The following TMEM178A variants were observed in gnomAD, a reference collection of about 807,000 sequenced individuals.
TMEM178A encodes the protein transmembrane protein 178.
TMEM178A carries 12 observed loss-of-function variants against 29.1 expected under a neutral mutation model. That is an observed-to-expected ratio of 0.41 (90% CI 0.26 to 0.67). The LOEUF (loss-of-function observed/expected upper bound fraction) is 0.67. Among genes scored for constraint, TMEM178A ranks in the 30% least tolerant of loss-of-function variants. The pLI, the probability that TMEM178A is intolerant of heterozygous loss-of-function variation, is 0.29. For missense variants in TMEM178A, 366 were observed against 419.1 expected, an observed-to-expected ratio of 0.87 and a Z score of 1.11; for synonymous variants, 210 against 187.2, an observed-to-expected ratio of 1.12 and a Z score of -0.99.
At chr2:39,703,073 C>T (rs1671864022) in intron 1 of TMEM178A, among the ~76,000 whole-genome samples, 1 of 152,094 alleles carries the variant, frequency 6.6e-6, no homozygotes, top group Non-Finnish European at 1.5e-5. Context: ...TAAAATTTCA[C>T]CTTTATATGC....
At position 39,674,832 on chromosome 2, in the gene TMEM178A, T is replaced by C. The variant is rs1166786666; in HGVS notation, c.400+8458T>C. ...CTTGTATTCCTTTCTCTCTCTCTCT[T>C]TTTTTTTCTCAAGTTACCTTTTCTT... On this transcript the variant is annotated intron_variant, in intron 1 of 3. Transcript: ENST00000281961. Among the ~76,000 whole-genome samples the C allele has an allele frequency of 1.3e-5, 2 of 151,688 alleles. 1 individual carries two copies. Among genetic ancestry groups the C allele is most frequent in the South Asian group, 4.1e-4 (2 of 4,820 alleles).
upstream of TMEM178A, chr2:39,665,601 A>C: frequency 4.7e-5 from 8 of 168,526 alleles, no homozygotes; most frequent in East Asian, 1.4e-4. Flanking sequence ...TAAAAGGGGA[A>C]GGGGGGTCGC....
chr2:39,697,991 G>C lies in TMEM178A; in HGVS notation c.401-6090G>C, dbSNP rs1572677924. The C allele has an allele frequency of 4.6e-5, 7 of 152,312 alleles. No individual in the cohort carries two copies. The South Asian group carries it at 1.5e-3, about 32-fold the overall frequency. The allele number at this position is 152,312 out of a possible 1,614,324, so 9.4% of individuals were successfully genotyped here. A position where few individuals can be genotyped will look rare whatever the true frequency, so the allele number is the denominator to read the frequency against. ...CATTAAGCAGCTTCTGTGAGATGCA[G>C]GTAGGATGAAGCCACTGAGTCAGCC... is the stretch of plus-strand genomic sequence containing the variant. On this transcript the variant is annotated intron_variant, in intron 1 of 3. Coordinates refer to ENST00000281961, the MANE Select transcript of TMEM178A (RefSeq NM_152390.3).
At chr2:39,726,144 A>G in the TMEM178A span, among the ~76,000 whole-genome samples, 1 of 152,188 alleles carries the variant, frequency 6.6e-6, no homozygotes, top group African/African-American at 2.4e-5. Flanking sequence ...TCTCAGAGAG[A>G]CAGACAGTAA....
Position 39,666,194 on chromosome 2 carries a change from G to A in TMEM178A, c.220G>A (p.Gly74Arg). ...HLPLRDSPPL[G>R]RRLLPGGPGR... ...GCCGCTGCGGGACTCGCCCCCGCTG[G>A]GGCGCCGGCTGCTCCCGGGCGGCCC... Residue 74 changes from glycine to arginine, a missense_variant, in exon 1 of 4, where the codon GGG (glycine) becomes AGG (arginine). By Grantham distance (125) the Gly-to-Arg change is moderately radical. Transcript: ENST00000281961. 1.4e-6 allele frequency: 2 copies of A among 1,424,368 alleles called. No homozygotes were observed. Among genetic ancestry groups the A allele is most frequent in the Non-Finnish European group, 1.8e-6 (2 of 1,093,882 alleles). 88.2% of individuals were successfully genotyped at this position (1,424,368 alleles called of 1,614,324 possible).
rs145325132 is a variant in TMEM178A at position 39,667,681 on chromosome 2, C to G, written c.400+1307C>G. Reference sequence around the variant, plus strand: ...CATTTCTCAAACATGTCAACTTCCTCCTTCCCATGGCTAACTCAGCTGGGG... The same window carrying G: ...CATTTCTCAAACATGTCAACTTCCTGCTTCCCATGGCTAACTCAGCTGGGG... On this transcript the variant is annotated intron_variant, in intron 1 of 3. Transcript: ENST00000281961. 2.8e-3 allele frequency among the ~76,000 whole-genome samples: 428 copies of G among 152,324 alleles called. 1 individual carries two copies. Among genetic ancestry groups the G allele is most frequent in the African/African-American group, 9.7e-3 (402 of 41,576 alleles).
Position 39,706,973 on chromosome 2 carries a change from C to G in TMEM178A, c.515-76C>G, listed in dbSNP as rs1481784061. 6 of 1,518,724 alleles carry G rather than the reference C, an allele frequency of 4.0e-6. No homozygotes were observed. The Admixed American group carries it at 1.2e-4, about 31-fold the overall frequency. The allele number at this position is 1,518,724 out of a possible 1,614,324, so 94.1% of individuals were successfully genotyped here. A position where few individuals can be genotyped will look rare whatever the true frequency, so the allele number is the denominator to read the frequency against. On this transcript the variant is annotated intron_variant, in intron 2 of 3. Coordinates refer to ENST00000281961, the MANE Select transcript of TMEM178A (RefSeq NM_152390.3). ...AACTTACTAATTTTCACAATGTATA[C>G]AAAGCCCTAATTCTCTAATTCTTAA...
intron 1 of TMEM178A, among the ~76,000 whole-genome samples, chr2:39,680,272 C>G (rs1427344445): frequency 1.3e-5 from 2 of 152,166 alleles, no homozygotes; most frequent in African/African-American, 4.8e-5. Flanking sequence ...TTAATTAACT[C>G]AGCAAAGTGT....
intron 1 of TMEM178A, among the ~76,000 whole-genome samples, chr2:39,683,370 GT>G (rs1482416213): frequency 1.3e-5 from 2 of 152,140 alleles, no homozygotes; most frequent in Non-Finnish European, 2.9e-5. Context: ...CTTTTCTGAA[GT>G]TTTAAAAGAA....
chr2:39,683,776 G>A (rs1230166289), intron 1 of TMEM178A, among the ~76,000 whole-genome samples: 1 of 152,212 alleles, frequency 6.6e-6, no homozygotes, highest in African/African-American at 2.4e-5. Flanking sequence ...GATGGGCACA[G>A]TGTGGAAGCA....
chr2:39,728,185 T>A, the TMEM178A span, among the ~76,000 whole-genome samples: 3 of 152,368 alleles, frequency 2.0e-5, no homozygotes, highest in Non-Finnish European at 4.4e-5. Flanking sequence ...ACCAACAGTG[T>A]AAAAGCATTC....
intron 1 of TMEM178A, among the ~76,000 whole-genome samples, chr2:39,678,679 A>ACT (rs1159943189): frequency 6.6e-6 from 1 of 152,226 alleles, no homozygotes; most frequent in Non-Finnish European, 1.5e-5. Context: ...CGTACACTTT[A>ACT]GTTAAGATGT....
chr2:39,668,160 G>C (rs1279893376), intron 1 of TMEM178A, among the ~76,000 whole-genome samples: 1 of 152,192 alleles, frequency 6.6e-6, no homozygotes, highest in African/African-American at 2.4e-5. Flanking sequence ...GCCAGTTCCA[G>C]GGCAGTCCAG....
intron 1 of TMEM178A, among the ~76,000 whole-genome samples, chr2:39,666,601 G>A (rs1294249023): frequency 4.0e-5 from 6 of 151,852 alleles, no homozygotes; most frequent in Non-Finnish European, 8.8e-5. Context: ...CATCCTGCGC[G>A]TCCTTTCAAG....
chr2:39,686,056 G>A (rs542319323), intron 1 of TMEM178A, among the ~76,000 whole-genome samples: 1 of 152,352 alleles, frequency 6.6e-6, no homozygotes, highest in East Asian at 1.9e-4. Flanking sequence ...GGTGCTCTCT[G>A]AGACCTTTTG....
downstream of TMEM178A, among the ~76,000 whole-genome samples, chr2:39,721,468 A>G (rs539925118): frequency 1.3e-5 from 2 of 152,252 alleles, no homozygotes; most frequent in South Asian, 4.2e-4. Flanking sequence ...GCCTGCTACT[A>G]TAAGGTCTGG....
chr2:39,685,030 T>C (rs1671013194), intron 1 of TMEM178A, among the ~76,000 whole-genome samples: 2 of 152,220 alleles, frequency 1.3e-5, no homozygotes, highest in Non-Finnish European at 1.5e-5. Context: ...TAATCTGTTC[T>C]TCATGCAAGG....
chr2:39,698,204 A>G (rs141146617), intron 1 of TMEM178A, among the ~76,000 whole-genome samples: 1 of 152,386 alleles, frequency 6.6e-6, no homozygotes, highest in Admixed American at 6.5e-5. Flanking sequence ...TCTGAGTAAT[A>G]GTATTTAATA....
intron 1 of TMEM178A, among the ~76,000 whole-genome samples, chr2:39,701,326 C>G (rs572638180): frequency 6.6e-6 from 1 of 152,008 alleles, no homozygotes; most frequent in Non-Finnish European, 1.5e-5. Context: ...ATATAGGATT[C>G]TTGGTTGACA....
Sources: gnomAD v4.1 joint callset for allele counts (sites outside exome capture counted in the v4.1 genomes callset) on GRCh38, gnomAD v4.1.1 for gene constraint, MANE v1.5 for transcripts, NCBI Gene and HGNC (gene_info 2026-07-23, HGNC 2026-07-21) for gene names.